ACOT8: variants seen among roughly 807,000 people sequenced by gnomAD.
ACOT8 encodes the protein acyl-CoA thioesterase 8.
ACOT8 carries 31 observed loss-of-function variants against 38.4 expected under a neutral mutation model. The ratio of observed to expected loss-of-function variants is 0.81; its 90% CI spans 0.61 to 1.09. ACOT8 has a LOEUF of 1.09. Among genes scored for constraint, ACOT8 ranks in the 50% least tolerant of loss-of-function variants. ACOT8 has a pLI of 0.00. For missense variants in ACOT8, 373 were observed against 421.8 expected, an observed-to-expected ratio of 0.88 and a Z score of 1.01; for synonymous variants, 158 against 170.3, an observed-to-expected ratio of 0.93 and a Z score of 0.56.
At position 45,844,333 on chromosome 20, in the gene ACOT8, T is replaced by G; in HGVS notation, c.576A>C (p.Pro192=). The change falls in exon 4 of 6, where the codon CCA becomes CCC. Residue 192 remains proline (P), a synonymous_variant. Transcript: ENST00000217455. ...EVPIEIKPVN[P]SPLSQLQRME... ...TTCTCTGCAGCTGGCTCAGGGGGGA[T>G]GGGTTTACTGGCTTGATCTCAATGG... 2 of 1,614,090 alleles carry G rather than the reference T, an allele frequency of 1.2e-6. No individual in the cohort carries two copies. Among genetic ancestry groups the G allele is most frequent in the Non-Finnish European group, 1.7e-6 (2 of 1,180,010 alleles).
At chr20:45,849,679 G>A (rs947486189) in intron 2 of ACOT8, among the ~76,000 whole-genome samples, 15 of 152,082 alleles carry the variant, frequency 9.9e-5, no homozygotes, top group African/African-American at 3.6e-4. Context: ...TCAAACTCCT[G>A]ACCTCAACTG....
At chr20:45,849,458 T>TC (rs1269138206) in intron 2 of ACOT8, among the ~76,000 whole-genome samples, 1 of 92,570 alleles carries the variant, frequency 1.1e-5, no homozygotes. Context: ...GCTAATTTTT[T>TC]TTTTTTTTTT....
intron 3 of ACOT8, 111 bp downstream of exon 3, chr20:45,848,339 T>C (rs925308361): frequency 1.0e-5 from 10 of 985,730 alleles, no homozygotes; most frequent in Non-Finnish European, 1.5e-5. Flanking sequence ...TCTTCTTTTC[T>C]AATCTGTATT....
chr20:45,850,663 C>A (rs1374502693), intron 2 of ACOT8, among the ~76,000 whole-genome samples: 6 of 152,102 alleles, frequency 3.9e-5, no homozygotes, highest in Non-Finnish European at 8.8e-5. Flanking sequence ...AGTGGAAGAG[C>A]CTAGGCAACA....
chr20:45,842,245 A>C, intron 5 of ACOT8: 1 of 1,439,728 alleles, frequency 6.9e-7, no homozygotes, highest in Non-Finnish European at 9.1e-7. Flanking sequence ...TGAGCTTATT[A>C]TGGACCGTCA....
At chr20:45,842,804 A>AT in intron 5 of ACOT8, 1 of 990,770 alleles carries the variant, frequency 1.0e-6, no homozygotes, top group Non-Finnish European at 1.2e-6. Context: ...TCAATCTTGG[A>AT]TTGTGATGCT....
At chr20:45,844,610 G>A (rs576545105) in intron 3 of ACOT8, among the ~76,000 whole-genome samples, 190 bp from the exon 4 acceptor site, 20 of 152,118 alleles carry the variant, frequency 1.3e-4, no homozygotes, top group Non-Finnish European at 1.9e-4. Context: ...ATGTGGTCTC[G>A]TGCTAATTAG....
chr20:45,853,574 T>C (rs934487066), intron 2 of ACOT8: 2 of 164,666 alleles, frequency 1.2e-5, no homozygotes, highest in African/African-American at 4.8e-5. Context: ...GATTCAGAGT[T>C]CAAGTAATGC....
At position 45,843,674 on chromosome 20, in the gene ACOT8, C is replaced by T. The variant is rs775259155; in HGVS notation, c.694G>A (p.Asp232Asn). ...AGTGCAGTGCCCAAGAAGGCATAGTCGGAGATATAGGCGGCCACGCAGCAG... is the reference window on the plus strand; with the variant it reads ...AGTGCAGTGCCCAAGAAGGCATAGTTGGAGATATAGGCGGCCACGCAGCAG... ...MHCCVAAYIS[D>N]YAFLGTALLP... Residue 232 changes from aspartate to asparagine, a missense_variant, in exon 5 of 6, where the codon GAC becomes AAC. Asp to Asn is a conservative substitution (Grantham distance 23). Transcript: ENST00000217455. The T allele has an allele frequency of 5.6e-6, 9 of 1,612,442 alleles. No individual in the cohort carries two copies. Among genetic ancestry groups the T allele is most frequent in the South Asian group, 4.4e-5 (4 of 91,058 alleles).
chr20:45,851,198 T>C (rs1204653927), intron 2 of ACOT8, among the ~76,000 whole-genome samples: 1 of 152,152 alleles, frequency 6.6e-6, no homozygotes, highest in African/African-American at 2.4e-5. Context: ...CAGCTCTCTG[T>C]TATCAGGCAC....
chr20:45,855,349 CCTCA>C, intron 1 of ACOT8, 57 bp from the exon 2 acceptor site: 1 of 1,595,856 alleles, frequency 6.3e-7, no homozygotes, highest in Admixed American at 1.7e-5. Context: ...ATTCTACTAC[CCTCA>C]CTAAGACTCT....
chr20:45,853,995 CAG>C (rs1213278603), intron 2 of ACOT8: 6 of 1,301,016 alleles, frequency 4.6e-6, no homozygotes, highest in Non-Finnish European at 6.1e-6. Context: ...CTGGGGGTAA[CAG>C]GGAAGGAAAG....
At chr20:45,853,997 G>T (rs772173364) in intron 2 of ACOT8, 1 of 1,298,574 alleles carries the variant, frequency 7.7e-7, no homozygotes, top group Non-Finnish European at 1.0e-6. Flanking sequence ...GGGGGTAACA[G>T]GGAAGGAAAG....
Position 45,855,153 on chromosome 20 carries a change from G to A in ACOT8, c.262+6C>T, listed in dbSNP as rs750712983. On this transcript the variant is annotated splice_donor_region_variant and intron_variant, in intron 2 of 5. Transcript: ENST00000217455. ...GTTGGGTTGGGGCAGGAAGTGGGGG[G>A]TTTACCTGCCCGAACAAAGTAGCAG... 8.1e-6 allele frequency: 13 copies of A among 1,613,614 alleles called. No individual in the cohort carries two copies. The highest frequency in any genetic ancestry group is 1.3e-5 in the African/African-American group (1 of 74,910).
At chr20:45,844,234 G>T in intron 4 of ACOT8, 29 bp downstream of exon 4, 1 of 1,614,024 alleles carries the variant, frequency 6.2e-7, no homozygotes, top group Non-Finnish European at 8.5e-7. Flanking sequence ...TTGGAGAGTG[G>T]TTTCCTCCCA....
At chr20:45,846,914 C>T (rs938083932) in intron 3 of ACOT8, among the ~76,000 whole-genome samples, 9 of 152,028 alleles carry the variant, frequency 5.9e-5, no homozygotes, top group Non-Finnish European at 8.8e-5. Flanking sequence ...GTTTTATATA[C>T]ATAAAACATG....
In ACOT8 at chr20:45,844,271, C is replaced by A. The variant is rs574646335; in HGVS notation, c.638G>T (p.Gly213Val). ...CCATGGGGTACTCTTACCAATATAGCCCCGGGCTCGCACCCAGAACATCTG... is the reference window on the plus strand; with the variant it reads ...CCATGGGGTACTCTTACCAATATAGACCCGGGCTCGCACCCAGAACATCTG... ...PKQMFWVRARGYIGEGDMKMH... is the reference protein window; with the variant it reads ...PKQMFWVRARVYIGEGDMKMH... Residue 213 changes from glycine to valine, a missense_variant, in exon 4 of 6, where the codon GGC (glycine) becomes GTC (valine). Gly to Val is a moderately radical substitution (Grantham distance 109, BLOSUM62 -3). Transcript: ENST00000217455. The A allele has an allele frequency of 5.1e-5, 83 of 1,614,172 alleles. 2 individuals are homozygous for A. The South Asian group carries it at 8.7e-4, about 17-fold the overall frequency.
At chr20:45,842,377 C>T (rs197668) in intron 5 of ACOT8, 4 of 1,289,080 alleles carry the variant, frequency 3.1e-6, no homozygotes, top group East Asian at 3.4e-5. Flanking sequence ...CCTTCAACAG[C>T]TCGGCCAAGC....
At chr20:45,851,832 CCT>C (rs1985082608) in intron 2 of ACOT8, among the ~76,000 whole-genome samples, 1 of 152,152 alleles carries the variant, frequency 6.6e-6, no homozygotes, top group Non-Finnish European at 1.5e-5. Context: ...TCTAAATTTA[CCT>C]CTGTAGAGAA....
Sources: gnomAD v4.1 joint callset for allele counts (sites outside exome capture counted in the v4.1 genomes callset) on GRCh38, gnomAD v4.1.1 for gene constraint, MANE v1.5 for transcripts, NCBI Gene and HGNC (gene_info 2026-07-23, HGNC 2026-07-21) for gene names.